The following LRCH2 variants were observed in gnomAD, a reference collection of about 807,000 sequenced individuals.
LRCH2 encodes the protein leucine rich repeats and calponin homology domain containing 2, also known as leucine-rich repeat and calponin homology domain-containing protein 2.
A neutral mutation model predicts 68.9 loss-of-function variants in LRCH2; 38 were observed. The observed-to-expected ratio is 0.55, with a 90% CI of 0.43 to 0.72. The LOEUF (loss-of-function observed/expected upper bound fraction) is 0.72. LRCH2 is among the 30% of genes least tolerant of loss of function. The pLI is 0.00. For missense variants in LRCH2, 528 were observed against 572.9 expected, an observed-to-expected ratio of 0.92 and a Z score of 0.80; for synonymous variants, 191 against 208.1, an observed-to-expected ratio of 0.92 and a Z score of 0.71.
intron 15 of LRCH2, 133 bp from the exon 16 acceptor site, chrX:115,127,026 A>G (rs190632099): frequency 2.6e-6 from 1 of 382,158 alleles, no homozygotes; most frequent in Non-Finnish European, 4.4e-6. Context: ...CATCCAGCAC[A>G]TTGCCACTCT....
rs1428307081 is a variant in LRCH2, at chrX:115,150,055, T to A, written c.1545A>T (p.Glu515Asp). The A allele has an allele frequency of 2.6e-6, 3 of 1,167,256 alleles. No individual in the cohort carries two copies. Among genetic ancestry groups the A allele is most frequent in the Non-Finnish European group, 3.4e-6 (3 of 872,377 alleles). ...VECEKSVSADEVNSPLSPLTW... is the reference protein window; with the variant it reads ...VECEKSVSADDVNSPLSPLTW... ...TGAGGGGTGATAATGGTGAATTAACTTCATCTGCTGAGACACTAAAAAATT... is the reference window on the plus strand; with the variant it reads ...TGAGGGGTGATAATGGTGAATTAACATCATCTGCTGAGACACTAAAAAATT... Residue 515 changes from glutamate to aspartate, a missense_variant, in exon 13 of 21, where the codon GAA becomes GAT. Glu to Asp is a conservative substitution (Grantham distance 45, BLOSUM62 2). Transcript: ENST00000317135.
chrX:115,211,923 G>A (rs1445317627), intron 1 of LRCH2, among the ~76,000 whole-genome samples: 1 of 111,731 alleles, frequency 9.0e-6, no homozygotes, highest in Non-Finnish European at 1.9e-5. Context: ...AGCTTTCTTG[G>A]CCCCTTAAAG....
intron 1 of LRCH2, among the ~76,000 whole-genome samples, chrX:115,227,335 C>T (rs1237674254): frequency 9.2e-6 from 1 of 108,594 alleles, no homozygotes; most frequent in Non-Finnish European, 1.9e-5. Flanking sequence ...CAAATATCCT[C>T]TGGAGGCAAC....
chrX:115,180,197 G>A (rs979373607), intron 3 of LRCH2, among the ~76,000 whole-genome samples: 16 of 111,370 alleles, frequency 1.4e-4, no homozygotes, highest in African/African-American at 4.9e-4. Context: ...GTGCACTGGC[G>A]AAACAGACTA....
At chrX:115,117,139 CA>C (rs2072089669) in intron 20 of LRCH2, among the ~76,000 whole-genome samples, 1 of 111,544 alleles carries the variant, frequency 9.0e-6, no homozygotes, top group Admixed American at 9.6e-5. Context: ...AAGTATACTT[CA>C]AAGTACTTCA....
intron 5 of LRCH2, among the ~76,000 whole-genome samples, chrX:115,173,668 A>G (rs1385667240): frequency 2.7e-5 from 3 of 111,453 alleles, no homozygotes; most frequent in African/African-American, 9.8e-5. Flanking sequence ...TGAACTCCCA[A>G]ATTTAAGGTG....
At chrX:115,130,026 G>T (rs2072229639) in intron 15 of LRCH2, 129 bp downstream of exon 15, 7 of 359,897 alleles carry the variant, frequency 1.9e-5, no homozygotes, top group Admixed American at 5.8e-5. Context: ...TGTTTTTATT[G>T]TTGAAAAAAA....
rs5903441 is a variant in LRCH2, at chrX:115,206,878, CAA to C, written c.350-18510_350-18509del. Among the ~76,000 whole-genome samples, 522 of 86,433 alleles carry C rather than the reference CAA, an allele frequency of 6.0e-3. 2 individuals carry two copies. The highest frequency in any genetic ancestry group is 7.9e-3 in the Non-Finnish European group (361 of 45,619). The allele number at this position is 86,433 out of a possible 115,157, so 75.1% of individuals were successfully genotyped here. On this transcript the variant is annotated intron_variant, in intron 1 of 20. Coordinates refer to ENST00000317135, the MANE Select transcript of LRCH2 (RefSeq NM_020871.4). Reference sequence around the variant, plus strand: ...CATTGGGTAAATACAATAACAGTGCCAAAAAAAAAAAAAAACTCAACCTTGGA... The same window carrying C: ...CATTGGGTAAATACAATAACAGTGCCAAAAAAAAAAAAACTCAACCTTGGA...
rs2072164820 is a variant in LRCH2 at position 115,123,983 on chromosome X, C to A, written c.1811G>T (p.Gly604Val). 1.5e-5 allele frequency: 16 copies of A among 1,097,303 alleles called. No homozygotes were observed. Among genetic ancestry groups the A allele is most frequent in the African/African-American group, 1.9e-5 (1 of 53,508 alleles). 90.4% of individuals were successfully genotyped at this position (1,097,303 alleles called of 1,213,427 possible). A position where few individuals can be genotyped will look rare whatever the true frequency, so the allele number is the denominator to read the frequency against. ...CAAGCCAAAGGGACTGTGTGAAAAA[C>A]CATCAGTTCTGTCATATTCCTAAAA... is the stretch of plus-strand genomic sequence containing the variant. ...VSSEEYDRTD[G>V]FSHSPFGLKP... The change falls in exon 17 of 21, where the codon GGT becomes GTT. Residue 604 changes from glycine (G) to valine (V), a missense_variant. Gly to Val is a moderately radical substitution (Grantham distance 109). Coordinates refer to ENST00000317135, the MANE Select transcript of LRCH2 (RefSeq NM_020871.4).
At chrX:115,184,144 T>A (rs1270916670) in intron 3 of LRCH2, among the ~76,000 whole-genome samples, 5 of 112,206 alleles carry the variant, frequency 4.5e-5, no homozygotes, top group Non-Finnish European at 9.4e-5. Flanking sequence ...AGTAAACAAA[T>A]GCTTATTCAT....
In LRCH2 at chrX:115,125,641, A is replaced by G. The variant is rs781958927; in HGVS notation, c.1791+1202T>C. ...TATGTATATATATACATATATATAC[A>G]TATATATATACACGTATATATATAC... On this transcript the variant is annotated intron_variant, in intron 16 of 20. Coordinates refer to ENST00000317135, the MANE Select transcript of LRCH2 (RefSeq NM_020871.4). Among the ~76,000 whole-genome samples, 99 of 84,953 alleles carry G rather than the reference A, an allele frequency of 1.2e-3. 1 individual carries two copies. Among genetic ancestry groups the G allele is most frequent in the African/African-American group, 4.3e-3 (82 of 19,219 alleles). 73.8% of individuals were successfully genotyped at this position (84,953 alleles called of 115,157 possible). A position where few individuals can be genotyped will look rare whatever the true frequency, so the allele number is the denominator to read the frequency against.
intron 14 of LRCH2, among the ~76,000 whole-genome samples, chrX:115,145,681 C>T (rs1410763452): frequency 1.8e-5 from 2 of 111,537 alleles, no homozygotes; most frequent in African/African-American, 3.3e-5. Context: ...AACTGGCATA[C>T]GAAAAGGTGC....
chrX:115,140,957 G>T (rs2072332339), intron 14 of LRCH2, among the ~76,000 whole-genome samples: 1 of 111,145 alleles, frequency 9.0e-6, no homozygotes, highest in Admixed American at 9.6e-5. Flanking sequence ...TTGAGGCCAG[G>T]CGTGGTAGCT....
At chrX:115,180,251 C>T (rs1056586141) in intron 3 of LRCH2, among the ~76,000 whole-genome samples, 3 of 110,731 alleles carry the variant, frequency 2.7e-5, no homozygotes, top group African/African-American at 9.9e-5. Context: ...CAAAGGGATA[C>T]AAAATGAGAA....
intron 14 of LRCH2, among the ~76,000 whole-genome samples, chrX:115,144,810 G>A (rs1271387790): frequency 8.9e-6 from 1 of 111,766 alleles, no homozygotes; most frequent in Non-Finnish European, 1.9e-5. Flanking sequence ...ACACAAATAT[G>A]GAAAGATATT....
chrX:115,149,018 T>C (rs1435791289), intron 14 of LRCH2, among the ~76,000 whole-genome samples: 1 of 111,706 alleles, frequency 9.0e-6, no homozygotes, highest in African/African-American at 3.2e-5. Context: ...ACCTACAATG[T>C]AGACTAGTAC....
intron 14 of LRCH2, among the ~76,000 whole-genome samples, chrX:115,139,949 C>T (rs1195929027): frequency 4.5e-5 from 5 of 111,171 alleles, no homozygotes; most frequent in African/African-American, 1.6e-4. Context: ...AATTTCTAGG[C>T]AACTCCTAGT....
At chrX:115,216,808 T>C (rs939171233) in intron 1 of LRCH2, among the ~76,000 whole-genome samples, 68 of 111,318 alleles carry the variant, frequency 6.1e-4, no homozygotes, top group African/African-American at 2.1e-3. Flanking sequence ...GCTGGAACCA[T>C]GGAGGGTGTA....
At chrX:115,208,292 T>G (rs2072983215) in intron 1 of LRCH2, among the ~76,000 whole-genome samples, 1 of 111,820 alleles carries the variant, frequency 8.9e-6, no homozygotes. Flanking sequence ...CTCAGTTAAT[T>G]AGCATCCAAA....
Sources: allele counts gnomAD v4.1 joint callset (sites outside exome capture counted in the v4.1 genomes callset), GRCh38; gene constraint gnomAD v4.1.1; transcripts MANE v1.5; gene names NCBI Gene and HGNC (gene_info 2026-07-23, HGNC 2026-07-21).